PDZRN3: variants seen among roughly 807,000 people sequenced by gnomAD.
PDZRN3 encodes E3 ubiquitin-protein ligase PDZRN3.
PDZRN3 carries 38 observed loss-of-function variants against 85.7 expected under a neutral mutation model. That is an observed-to-expected ratio of 0.44 (90% CI 0.34 to 0.58). PDZRN3 has a LOEUF of 0.58. PDZRN3 is among the 20% of genes least tolerant of loss of function. The pLI is 0.01. For missense variants in PDZRN3, 1,629 were observed against 1,506.4 expected (o/e 1.08, Z -1.35); for synonymous variants, 759 against 638.0 (o/e 1.19, Z -2.86).
rs12492388 is a variant in PDZRN3 at position 73,492,205 on chromosome 3, T to C, written c.919-87810A>G. The stretch of plus-strand genomic sequence containing the variant: ...GAAATTTCTAAATTGGTTTCCAAAA[T>C]AAAATTATCAAAATATTTCACAGAA... On this transcript the variant is annotated intron_variant, in intron 3 of 9. Transcript: ENST00000263666. Among the ~76,000 whole-genome samples the C allele has an allele frequency of 3.5e-3, 528 of 152,250 alleles. 17 individuals carry two copies. The highest frequency in any genetic ancestry group is 0.024 in the Admixed American group (368 of 15,296).
At chr3:73,618,674 T>C (rs1176634807) in intron 1 of PDZRN3, among the ~76,000 whole-genome samples, 1 of 152,248 alleles carries the variant, frequency 6.6e-6, no homozygotes, top group East Asian at 1.9e-4. Flanking sequence ...AATATTTTTA[T>C]AGCGAGGCAA....
chr3:73,499,834 T>A (rs1220112273), intron 3 of PDZRN3, among the ~76,000 whole-genome samples: 1 of 152,168 alleles, frequency 6.6e-6, no homozygotes, highest in African/African-American at 2.4e-5. Flanking sequence ...CTTCCTTGCC[T>A]ATAGTAAATG....
intron 3 of PDZRN3, among the ~76,000 whole-genome samples, chr3:73,488,437 T>G (rs1286389836): frequency 6.6e-6 from 1 of 152,188 alleles, no homozygotes; most frequent in Non-Finnish European, 1.5e-5. Context: ...GGTTCTTTCC[T>G]ACCACAGGGT....
chr3:73,603,506 A>G (rs971411809), intron 2 of PDZRN3, among the ~76,000 whole-genome samples: 2 of 152,248 alleles, frequency 1.3e-5, no homozygotes, highest in African/African-American at 4.8e-5. Context: ...ATTAAATGGC[A>G]CAAGCATGTG....
intron 5 of PDZRN3, among the ~76,000 whole-genome samples, chr3:73,394,353 T>C (rs1486368900): frequency 6.6e-6 from 1 of 152,160 alleles, no homozygotes; most frequent in African/African-American, 2.4e-5. Flanking sequence ...CAGAATGGCG[T>C]AGAGCCCAAT....
Position 73,457,880 on chromosome 3 carries a change from C to T in PDZRN3, c.919-53485G>A, listed in dbSNP as rs747709721. On this transcript the variant is annotated intron_variant, in intron 3 of 9. Transcript: ENST00000263666. The stretch of plus-strand genomic sequence containing the variant: ...CACTAGACATCAAATCTACTGACAT[C>T]CTGATTATGGAATTCCCAGCCTCCA... 1.3e-3 allele frequency among the ~76,000 whole-genome samples: 198 copies of T among 152,010 alleles called. 1 individual carries two copies. Among genetic ancestry groups the T allele is most frequent in the Non-Finnish European group, 1.4e-3 (97 of 67,936 alleles).
chr3:73,383,675 A>G lies in PDZRN3; in HGVS notation c.2891T>C (p.Val964Ala), dbSNP rs780240548. 1 of 1,607,804 alleles carries G rather than the reference A, an allele frequency of 6.2e-7. No homozygotes were observed. The highest frequency in any genetic ancestry group is 1.4e-5 in the African/African-American group (1 of 73,522). The change falls in exon 10 of 10, where the codon GTG becomes GCG. Residue 964 changes from valine to alanine, a missense_variant. Coordinates refer to ENST00000263666, the MANE Select transcript of PDZRN3 (RefSeq NM_015009.3). ...GTAGCGCCCCATCTTCATCTCGCTC[A>G]CCGCGTCGTCGTCGGTGGTCATGCC... ...RSGMTTDDDA[V>A]SEMKMGRYWS...
At chr3:73,491,677 C>A (rs887360729) in intron 3 of PDZRN3, among the ~76,000 whole-genome samples, 9 of 148,416 alleles carry the variant, frequency 6.1e-5, no homozygotes, top group Admixed American at 5.5e-4. Flanking sequence ...TAGCTCACTG[C>A]AGCCTTGAAT....
At position 73,389,878 on chromosome 3, in the gene PDZRN3, T is replaced by C; in HGVS notation, c.1354A>G (p.Ile452Val). 1 of 1,612,626 alleles carries C rather than the reference T, an allele frequency of 6.2e-7. No individual in the cohort carries two copies. The part of the protein sequence containing the change: ...EDDIGIYISE[I>V]DPNSIAAKDG... ...TTGGCTGCAATGCTGTTAGGGTCAA[T>C]CTGAAACACACATGGACCATCTCAG... The change falls in exon 7 of 10, where the codon ATT (isoleucine) becomes GTT (valine). Residue 452 changes from isoleucine (I) to valine (V), a missense_variant and splice_region_variant. By Grantham distance (29) the Ile-to-Val change is conservative. Transcript: ENST00000263666.
At chr3:73,453,427 A>C (rs1434288924) in intron 3 of PDZRN3, among the ~76,000 whole-genome samples, 1 of 149,280 alleles carries the variant, frequency 6.7e-6, no homozygotes, top group African/African-American at 2.4e-5. Context: ...AAAAAAACAA[A>C]AAAAAAAAAC....
intron 3 of PDZRN3, among the ~76,000 whole-genome samples, chr3:73,582,729 C>T (rs1702219641): frequency 6.6e-6 from 1 of 151,960 alleles, no homozygotes; most frequent in Non-Finnish European, 1.5e-5. Context: ...GCTGTGTGAC[C>T]TCTGAGAAGG....
chr3:73,594,921 T>C (rs1702411827), intron 3 of PDZRN3, among the ~76,000 whole-genome samples: 1 of 152,102 alleles, frequency 6.6e-6, no homozygotes, highest in Non-Finnish European at 1.5e-5. Flanking sequence ...ATGCAATAGT[T>C]CCAAAAACAT....
chr3:73,535,088 C>T (rs537734508), intron 3 of PDZRN3, among the ~76,000 whole-genome samples: 4 of 152,072 alleles, frequency 2.6e-5, no homozygotes, highest in African/African-American at 7.2e-5. Context: ...CTGGGTCTGC[C>T]GTGTTGTCTT....
intron 3 of PDZRN3, among the ~76,000 whole-genome samples, chr3:73,547,359 C>T (rs1260763139): frequency 6.6e-6 from 1 of 152,238 alleles, no homozygotes; most frequent in Non-Finnish European, 1.5e-5. Flanking sequence ...GCAGCACCAA[C>T]AATACCACCA....
At chr3:73,598,843 A>G (rs191605830) in intron 3 of PDZRN3, among the ~76,000 whole-genome samples, 41 of 152,328 alleles carry the variant, frequency 2.7e-4, no homozygotes, top group Non-Finnish European at 3.5e-4. Context: ...AGGTTTTGGA[A>G]TAAGTCAAAC....
rs530236077 is a variant in PDZRN3 at position 73,496,529 on chromosome 3, A to C, written c.919-92134T>G. Among the ~76,000 whole-genome samples the C allele has an allele frequency of 1.9e-4, 29 of 151,288 alleles. No homozygotes were observed. The East Asian group carries it at 5.5e-3, about 28-fold the overall frequency. ...CAAATCCCAGAGACCATGTCATTTC[A>C]CACAGAAATAATTTATAACGTATTT... On this transcript the variant is annotated intron_variant, in intron 3 of 9. Coordinates refer to ENST00000263666, the MANE Select transcript of PDZRN3 (RefSeq NM_015009.3).
intron 3 of PDZRN3, among the ~76,000 whole-genome samples, chr3:73,456,362 A>G (rs1190674927): frequency 6.6e-6 from 1 of 152,244 alleles, no homozygotes; most frequent in Admixed American, 6.5e-5. Context: ...AGCCTTGCTC[A>G]TCCTAAACAA....
chr3:73,453,606 T>C lies in PDZRN3; in HGVS notation c.919-49211A>G, dbSNP rs1016468203. 8.6e-5 allele frequency among the ~76,000 whole-genome samples: 13 copies of C among 151,478 alleles called. No homozygotes were observed. The South Asian group carries it at 1.0e-3, about 12-fold the overall frequency. ...ATTTTCTTCATGCTTTAAGTATATATACATTTATATATAATTATATATAAT... is the reference window on the plus strand; with the variant it reads ...ATTTTCTTCATGCTTTAAGTATATACACATTTATATATAATTATATATAAT... On this transcript the variant is annotated intron_variant, in intron 3 of 9. Coordinates refer to ENST00000263666, the MANE Select transcript of PDZRN3 (RefSeq NM_015009.3).
chr3:73,401,095 G>T, intron 4 of PDZRN3, 86 bp from the exon 5 acceptor site: 1 of 966,662 alleles, frequency 1.0e-6, no homozygotes, highest in Non-Finnish European at 1.7e-6. Flanking sequence ...CAGTGGCACA[G>T]TAGCAATTCC....
Sources: gnomAD v4.1 joint callset for allele counts (sites outside exome capture counted in the v4.1 genomes callset) on GRCh38, gnomAD v4.1.1 for gene constraint, MANE v1.5 for transcripts, NCBI Gene and HGNC (gene_info 2026-07-23, HGNC 2026-07-21) for gene names.